The following PLEKHG7 variants were observed in gnomAD, a reference collection of about 807,000 sequenced individuals.
PLEKHG7 encodes the protein pleckstrin homology and RhoGEF domain containing G7.
In PLEKHG7, 77 loss-of-function variants were observed where a neutral mutation model predicts 85.2. That is an observed-to-expected ratio of 0.90 (90% CI 0.75 to 1.09). The LOEUF (loss-of-function observed/expected upper bound fraction) is 1.09, where lower values mean the gene tolerates loss of function less well. PLEKHG7 is among the 50% of genes least tolerant of loss of function. The pLI, the probability that PLEKHG7 is intolerant of heterozygous loss-of-function variation, is 0.00. For missense variants in PLEKHG7, 777 were observed against 804.3 expected, an observed-to-expected ratio of 0.97 and a Z score of 0.41; for synonymous variants, 301 against 302.4, an observed-to-expected ratio of 1.00 and a Z score of 0.05.
At chr12:92,740,430 T>C (rs1872318146) in intron 7 of PLEKHG7, among the ~76,000 whole-genome samples, 1 of 152,244 alleles carries the variant, frequency 6.6e-6, no homozygotes, top group South Asian at 2.1e-4. Flanking sequence ...AAATATCTAC[T>C]TTTAATTCCC....
At chr12:92,708,885 G>C (rs1159240916) in intron 3 of PLEKHG7, among the ~76,000 whole-genome samples, 1 of 152,178 alleles carries the variant, frequency 6.6e-6, no homozygotes, top group African/African-American at 2.4e-5. Flanking sequence ...AAAGTGTATG[G>C]ATGTAAGGAA....
chr12:92,709,522 G>T (rs529095484), intron 3 of PLEKHG7, among the ~76,000 whole-genome samples: 1 of 152,216 alleles, frequency 6.6e-6, no homozygotes, highest in Non-Finnish European at 1.5e-5. Context: ...GAAGGCACCA[G>T]GGGTGGATGT....
intron 3 of PLEKHG7, among the ~76,000 whole-genome samples, chr12:92,714,918 C>T (rs77065517): frequency 0.058 from 8,833 of 152,110 alleles, 292 homozygotes; most frequent in Middle Eastern, 0.085. Flanking sequence ...AGCCCCAAAA[C>T]CAATGAAAGA....
intron 3 of PLEKHG7, among the ~76,000 whole-genome samples, chr12:92,712,706 G>A (rs982552860): frequency 1.3e-4 from 20 of 151,888 alleles, no homozygotes; most frequent in East Asian, 1.2e-3. Flanking sequence ...CTTTCCCTCC[G>A]TAATAGCCCT....
At chr12:92,731,109 C>T (rs1403641468) in intron 4 of PLEKHG7, among the ~76,000 whole-genome samples, 2 of 152,156 alleles carry the variant, frequency 1.3e-5, no homozygotes, top group African/African-American at 4.8e-5. Flanking sequence ...ATTTACAAAG[C>T]TTTCCCAAGG....
At chr12:92,756,593 T>G (rs1285433883) in intron 13 of PLEKHG7, among the ~76,000 whole-genome samples, 5 of 152,196 alleles carry the variant, frequency 3.3e-5, no homozygotes, top group African/African-American at 1.2e-4. Flanking sequence ...TGCTCTCTGT[T>G]TTCTCTCTGT....
chr12:92,727,927 GGTGTGTGTGTGTGT>G (rs540230230), intron 3 of PLEKHG7, among the ~76,000 whole-genome samples: 3 of 84,978 alleles, frequency 3.5e-5, no homozygotes, highest in Non-Finnish European at 4.6e-5. Flanking sequence ...GGTATTCTAT[GGTGTGTGTGTGTGT>G]GTGTGTGTGT....
rs752195225 is a variant in PLEKHG7, at chr12:92,755,912, A to C, written c.1514A>C (p.Asp505Ala). 1.6e-5 allele frequency: 25 copies of C among 1,612,392 alleles called. No individual in the cohort carries two copies. The highest frequency in any genetic ancestry group is 2.1e-5 in the Non-Finnish European group (25 of 1,179,380). ...ATTATAGTGTGGCCACCGCTTTGGGATAGAGATAAAAGGTTTTTCATTCCA... is the reference window on the plus strand; with the variant it reads ...ATTATAGTGTGGCCACCGCTTTGGGCTAGAGATAAAAGGTTTTTCATTCCA... ...QEIIVWPPLW[D>A]RDKRFFIPEC... The change falls in exon 12 of 17, where the codon GAT becomes GCT. Residue 505 changes from aspartate (D) to alanine (A), a missense_variant. Coordinates refer to ENST00000344636, the MANE Select transcript of PLEKHG7 (RefSeq NM_001377329.1).
chr12:92,713,136 G>T (rs1411863664), intron 3 of PLEKHG7, among the ~76,000 whole-genome samples: 1 of 152,194 alleles, frequency 6.6e-6, no homozygotes, highest in African/African-American at 2.4e-5. Context: ...ATCAAAAAAA[G>T]ATTCACTACA....
chr12:92,757,559 A>G (rs1489928541), intron 13 of PLEKHG7, among the ~76,000 whole-genome samples: 2 of 152,204 alleles, frequency 1.3e-5, no homozygotes. Flanking sequence ...AGGAAGATAG[A>G]CATATCCAGC....
chr12:92,724,139 C>A (rs938670746), intron 3 of PLEKHG7, among the ~76,000 whole-genome samples: 1 of 152,106 alleles, frequency 6.6e-6, no homozygotes, highest in African/African-American at 2.4e-5. Flanking sequence ...TTTCGGAGCA[C>A]TCAGCATTTT....
chr12:92,750,001 T>TATTTC (rs1336875038), intron 10 of PLEKHG7, among the ~76,000 whole-genome samples: 1 of 139,924 alleles, frequency 7.1e-6, no homozygotes, highest in East Asian at 2.0e-4. Context: ...TTTATTTTAT[T>TATTTC]ATTTTATTTT....
chr12:92,709,749 AC>A (rs779293045), intron 3 of PLEKHG7, among the ~76,000 whole-genome samples: 4 of 152,250 alleles, frequency 2.6e-5, no homozygotes, highest in Non-Finnish European at 5.9e-5. Flanking sequence ...TTTTAAAAGA[AC>A]AGCTAGGTCA....
Position 92,706,789 on chromosome 12 carries a change from G to C in PLEKHG7, c.158G>C (p.Arg53Thr). 1 of 1,614,046 alleles carries C rather than the reference G, an allele frequency of 6.2e-7. No homozygotes were observed. ...GRISTSPTLRRLRTRGCGTRQ... is the reference protein window; with the variant it reads ...GRISTSPTLRTLRTRGCGTRQ... ...ATCTCCACCTCGCCCACTTTGAGGA[G>C]ATTAAGGACCCGTGGCTGTGGGACA... Residue 53 changes from arginine (R) to threonine (T), a missense_variant, in exon 2 of 17, where the codon AGA becomes ACA. Around this residue, in one of 3 missense-constraint regions of PLEKHG7, gnomAD observed 252 missense variants for 241.9 expected, o/e 1.04. Coordinates refer to ENST00000344636, the MANE Select transcript of PLEKHG7 (RefSeq NM_001377329.1).
At chr12:92,739,426 C>G (rs908577923) in intron 7 of PLEKHG7, among the ~76,000 whole-genome samples, 1 of 152,164 alleles carries the variant, frequency 6.6e-6, no homozygotes, top group African/African-American at 2.4e-5. Flanking sequence ...GGGAGTATTG[C>G]AGGGGGTGGT....
chr12:92,766,306 T>A (rs995373723), intron 15 of PLEKHG7, among the ~76,000 whole-genome samples: 6 of 152,232 alleles, frequency 3.9e-5, no homozygotes, highest in Non-Finnish European at 8.8e-5. Context: ...TTATAGATTA[T>A]GATACAGTTA....
chr12:92,753,267 C>T (rs1872740507), intron 10 of PLEKHG7, among the ~76,000 whole-genome samples: 1 of 152,136 alleles, frequency 6.6e-6, no homozygotes, highest in South Asian at 2.1e-4. Context: ...TGGCCAGCAA[C>T]CACGTCCATG....
intron 1 of PLEKHG7, among the ~76,000 whole-genome samples, chr12:92,705,485 G>C (rs1871206164): frequency 6.6e-6 from 1 of 152,256 alleles, no homozygotes; most frequent in Admixed American, 6.5e-5. Flanking sequence ...AAGGGTTTCA[G>C]ATTGCTGAGT....
intron 4 of PLEKHG7, 128 bp downstream of exon 4, chr12:92,729,248 AC>A: frequency 8.9e-7 from 1 of 1,119,172 alleles, no homozygotes; most frequent in African/African-American, 1.6e-5. Flanking sequence ...AATCAGCCTC[AC>A]CAATTACAAC....
Sources: allele counts gnomAD v4.1 joint callset (sites outside exome capture counted in the v4.1 genomes callset), GRCh38; gene constraint gnomAD v4.1.1; regional missense constraint gnomAD v4.1.1; transcripts MANE v1.5; gene names NCBI Gene and HGNC (gene_info 2026-07-23, HGNC 2026-07-21).